Variants in BBS9 observed in about 807,000 individuals in gnomAD.
BBS9 encodes Bardet-Biedl syndrome 9, also known as protein PTHB1.
In BBS9, 89 loss-of-function variants were observed where a neutral mutation model predicts 117.7. That is an observed-to-expected ratio of 0.76 (90% CI 0.64 to 0.90). The LOEUF (loss-of-function observed/expected upper bound fraction) is 0.90, where lower values mean the gene tolerates loss of function less well. Among genes scored for constraint, BBS9 ranks in the 40% least tolerant of loss-of-function variants. The probability of loss-of-function intolerance (pLI) is 0.00; values close to 1 mark genes in which losing one functional copy is unlikely to be tolerated. For synonymous variants in BBS9, 379 were observed against 370.9 expected (o/e 1.02, Z -0.25); for missense variants, 982 against 1,042.2 (o/e 0.94, Z 0.80).
At chr7:33,244,493 A>G (rs1795030449) in intron 5 of BBS9, among the ~76,000 whole-genome samples, 1 of 152,148 alleles carries the variant, frequency 6.6e-6, no homozygotes. Context: ...GAGACTTAAT[A>G]ACTAAATTAT....
intron 3 of BBS9, among the ~76,000 whole-genome samples, chr7:33,153,945 A>C (rs1793729253): frequency 2.0e-5 from 3 of 152,194 alleles, no homozygotes; most frequent in Admixed American, 2.0e-4. Flanking sequence ...TCCTGCTAAA[A>C]AGTGTTTTTA....
At chr7:33,508,766 G>T (rs899155461) in intron 20 of BBS9, among the ~76,000 whole-genome samples, 23 of 152,212 alleles carry the variant, frequency 1.5e-4, no homozygotes, top group Admixed American at 1.4e-3. Context: ...GAGCTTGAAT[G>T]CTCATGAAGC....
chr7:33,489,424 G>A (rs1045443103), intron 19 of BBS9, among the ~76,000 whole-genome samples: 19 of 133,756 alleles, frequency 1.4e-4, no homozygotes, highest in African/African-American at 4.2e-4. Context: ...AAGTAGTGTT[G>A]ATGACCAAGA....
chr7:33,469,094 CTG>C (rs1331517946), intron 19 of BBS9, among the ~76,000 whole-genome samples: 4 of 152,122 alleles, frequency 2.6e-5, no homozygotes, highest in African/African-American at 9.6e-5. Context: ...AGTAGATTGA[CTG>C]TGCATTGGTA....
intron 20 of BBS9, among the ~76,000 whole-genome samples, chr7:33,520,292 G>A (rs1375540836): frequency 3.3e-5 from 5 of 152,118 alleles, no homozygotes; most frequent in African/African-American, 9.7e-5. Flanking sequence ...GATTACATGC[G>A]TGAGCCACTG....
intron 1 of BBS9, among the ~76,000 whole-genome samples, chr7:33,141,041 A>G (rs769126704): frequency 1.3e-5 from 2 of 152,236 alleles, no homozygotes; most frequent in Non-Finnish European, 2.9e-5. Context: ...TTCCCAATGA[A>G]AACAGTACAG....
In BBS9 at chr7:33,155,624, T is replaced by C. The variant is rs759013829; in HGVS notation, c.264-14T>C. 47 of 1,582,244 alleles carry C rather than the reference T, an allele frequency of 3.0e-5. No homozygotes were observed. Among genetic ancestry groups the C allele is most frequent in the South Asian group, 1.1e-4 (10 of 89,970 alleles). On this transcript the variant is annotated splice_polypyrimidine_tract_variant and intron_variant, in intron 3 of 22. Transcript: ENST00000242067. Reference sequence around the variant, plus strand: ...TAATATTGGAAAACTTTAAAAACTTTCTCTGTTTTTCAGAGGTACCGAAAT... The same window carrying C: ...TAATATTGGAAAACTTTAAAAACTTCCTCTGTTTTTCAGAGGTACCGAAAT...
chr7:33,331,125 C>G (rs59532834), intron 9 of BBS9, among the ~76,000 whole-genome samples: 56,859 of 151,932 alleles, frequency 0.37, 11,089 homozygotes, highest in Admixed American at 0.49. Flanking sequence ...ATATATAAGT[C>G]AACAAATGTG....
At chr7:33,247,562 C>T (rs1486397616) in intron 5 of BBS9, among the ~76,000 whole-genome samples, 1 of 152,148 alleles carries the variant, frequency 6.6e-6, no homozygotes, top group African/African-American at 2.4e-5. Context: ...CTTTCTCAAC[C>T]TGCAAGACCC....
chr7:33,145,117 A>G (rs1429000227), intron 1 of BBS9, among the ~76,000 whole-genome samples: 4 of 152,240 alleles, frequency 2.6e-5, no homozygotes, highest in African/African-American at 9.6e-5. Context: ...GAATCTGTCT[A>G]ACCCTGTGTT....
rs1307070660 is a variant in BBS9 at position 33,364,244 on chromosome 7, G to A, written c.1694-3523G>A. Among the ~76,000 whole-genome samples the A allele has an allele frequency of 4.1e-4, 13 of 31,880 alleles. 5 individuals are homozygous for A. In the East Asian group the frequency reaches 6.4e-3, roughly 16 times the overall value. 20.9% of individuals were successfully genotyped at this position (31,880 alleles called of 152,430 possible). On this transcript the variant is annotated intron_variant, in intron 16 of 22. Coordinates refer to ENST00000242067, the MANE Select transcript of BBS9 (RefSeq NM_198428.3). ...ATTACAGGCGTGAGCCACCGCGCCC[G>A]GCCTTCACTATATTTTTAGATTTAA...
At chr7:33,553,451 A>C (rs565184550) in intron 21 of BBS9, among the ~76,000 whole-genome samples, 8 of 152,124 alleles carry the variant, frequency 5.3e-5, no homozygotes, top group African/African-American at 1.4e-4. Flanking sequence ...CCTGTCTACT[A>C]TATATTTTCT....
At chr7:33,307,953 A>G (rs936755493) in intron 9 of BBS9, among the ~76,000 whole-genome samples, 3 of 152,174 alleles carry the variant, frequency 2.0e-5, no homozygotes, top group Non-Finnish European at 2.9e-5. Context: ...ACACAAACCA[A>G]TTGCTAGGTA....
At chr7:33,318,387 C>T (rs566738536) in intron 9 of BBS9, among the ~76,000 whole-genome samples, 1 of 152,194 alleles carries the variant, frequency 6.6e-6, no homozygotes, top group African/African-American at 2.4e-5. Context: ...TCTGCTCCTC[C>T]TTTCCCAAGT....
intron 18 of BBS9, among the ~76,000 whole-genome samples, chr7:33,385,298 C>A (rs1234994917): frequency 6.6e-6 from 1 of 152,148 alleles, no homozygotes; most frequent in East Asian, 1.9e-4. Context: ...ATTTGTTACA[C>A]ACATAAATTA....
intron 7 of BBS9, among the ~76,000 whole-genome samples, chr7:33,270,020 T>TC (rs1471988317): frequency 7.7e-4 from 35 of 45,262 alleles, no homozygotes; most frequent in African/African-American, 3.5e-3. Flanking sequence ...AGACTCTGTC[T>TC]CAAAAAAAAA....
At chr7:33,275,267 C>T (rs925993900) in intron 9 of BBS9, among the ~76,000 whole-genome samples, 8 of 152,190 alleles carry the variant, frequency 5.3e-5, no homozygotes, top group African/African-American at 1.9e-4. Flanking sequence ...TTGCTATGCA[C>T]TTAACACAAG....
At chr7:33,596,257 AACACACACACACACACACACAC>A (rs777940429) in intron 21 of BBS9, among the ~76,000 whole-genome samples, 12 of 118,854 alleles carry the variant, frequency 1.0e-4, no homozygotes, top group African/African-American at 4.5e-4. Flanking sequence ...ACAGAACAGA[AACACACACACACACACACACAC>A]ACACACACAC....
intron 18 of BBS9, among the ~76,000 whole-genome samples, chr7:33,384,591 C>T (rs79490636): frequency 0.045 from 6,855 of 152,132 alleles, 201 homozygotes; most frequent in East Asian, 0.14. Context: ...TCTATAAACA[C>T]TCTACAGACA....
Sources: allele counts gnomAD v4.1 joint callset (sites outside exome capture counted in the v4.1 genomes callset), GRCh38; gene constraint gnomAD v4.1.1; transcripts MANE v1.5; gene names NCBI Gene and HGNC (gene_info 2026-07-23, HGNC 2026-07-21).